Variants in RBL2 observed in about 807,000 individuals in gnomAD.
RBL2 encodes the protein RB transcriptional corepressor like 2.
In RBL2, 56 loss-of-function variants were observed where a neutral mutation model predicts 126.0. The observed-to-expected ratio is 0.44, with a 90% CI of 0.36 to 0.56. The LOEUF is 0.56. RBL2 is among the 20% of genes least tolerant of loss of function. The pLI is 0.00. For synonymous variants in RBL2, 454 were observed against 478.5 expected (o/e 0.95, Z 0.67); for missense variants, 1,229 against 1,398.2 (o/e 0.88, Z 1.93).
At chr16:53,435,688 T>C in intron 1 of RBL2, 1 of 1,289,136 alleles carries the variant, frequency 7.8e-7, no homozygotes. Context: ...AGTCGTTTTA[T>C]AATTAATTTG....
chr16:53,490,358 A>G lies in RBL2; in HGVS notation c.*58A>G. 1 of 1,412,284 alleles carries G rather than the reference A, an allele frequency of 7.1e-7. No homozygotes were observed. The highest frequency in any genetic ancestry group is 9.6e-7 in the Non-Finnish European group (1 of 1,046,602). 87.5% of individuals were successfully genotyped at this position (1,412,284 alleles called of 1,614,324 possible). ...TCTGTTTAGCAGCAGCCTTTAATGC[A>G]TCTAGATTATGGAGCTTTTTTCCTT... On this transcript the variant is annotated 3_prime_UTR_variant, in exon 22 of 22. Transcript: ENST00000262133.
intron 4 of RBL2, chr16:53,449,586 G>GAAAAAAAAAAA: frequency 1.7e-5 from 1 of 58,800 alleles, no homozygotes; most frequent in Non-Finnish European, 4.0e-5. Context: ...ACCGTGTCTC[G>GAAAAAAAAAAA]AAAAAAAAAA....
intron 7 of RBL2, 173 bp from the exon 8 acceptor site, chr16:53,454,483 G>A (rs576507541): frequency 1.5e-5 from 9 of 585,534 alleles, no homozygotes; most frequent in African/African-American, 5.7e-5. Flanking sequence ...GATTACAGAC[G>A]GGAGCTACTG....
intron 21 of RBL2, among the ~76,000 whole-genome samples, chr16:53,482,473 C>A (rs1169690515): frequency 6.6e-6 from 1 of 152,146 alleles, no homozygotes; most frequent in Non-Finnish European, 1.5e-5. Flanking sequence ...GCGAGTGGAA[C>A]TGGATTGTGA....
intron 2 of RBL2, among the ~76,000 whole-genome samples, chr16:53,439,575 T>G (rs1441499780): frequency 6.6e-6 from 1 of 152,172 alleles, no homozygotes; most frequent in African/African-American, 2.4e-5. Context: ...GTTTCCTGTT[T>G]GGAGGATAAA....
rs752122118 is a variant in RBL2 at position 53,439,175 on chromosome 16, G to A, written c.371+29G>A. ...ACTATGTTAGAGTTTGACAAGTAGA[G>A]TATGGCTAATGTAAGCTCATAAATC... On this transcript the variant is annotated intron_variant, in intron 2 of 21. Coordinates refer to ENST00000262133, the MANE Select transcript of RBL2 (RefSeq NM_005611.4). 5.2e-6 allele frequency: 8 copies of A among 1,543,242 alleles called. 1 individual carries two copies. The South Asian group carries it at 8.8e-5, about 17-fold the overall frequency.
intron 4 of RBL2, among the ~76,000 whole-genome samples, 194 bp downstream of exon 4, chr16:53,447,300 C>CTCTTA (rs1567728475): frequency 1.3e-5 from 2 of 151,756 alleles, no homozygotes; most frequent in Non-Finnish European, 2.9e-5. Flanking sequence ...ATATCCAAAT[C>CTCTTA]TTCTCTTATT....
chr16:53,479,752 T>C, intron 18 of RBL2, 134 bp from the exon 19 acceptor site: 1 of 610,588 alleles, frequency 1.6e-6, no homozygotes, highest in Non-Finnish European at 2.9e-6. Context: ...GAGTTATGTT[T>C]CTCAACCTGT....
At chr16:53,480,161 T>G in intron 19 of RBL2, 170 bp downstream of exon 19, 1 of 571,300 alleles carries the variant, frequency 1.8e-6, no homozygotes, top group East Asian at 3.0e-5. Context: ...TTACATAGCT[T>G]TGGGGCACAT....
At chr16:53,457,039 C>CA (rs1328929909) in intron 8 of RBL2, among the ~76,000 whole-genome samples, 1 of 151,978 alleles carries the variant, frequency 6.6e-6, no homozygotes, top group African/African-American at 2.4e-5. Flanking sequence ...ATTCGGGGAA[C>CA]ATTTACTACT....
intron 4 of RBL2, 50 bp from the exon 5 acceptor site, chr16:53,451,653 G>C (rs778164259): frequency 6.4e-7 from 1 of 1,573,330 alleles, no homozygotes; most frequent in Non-Finnish European, 8.7e-7. Context: ...TTTTAAAAAT[G>C]TTACAAAGTC....
intron 3 of RBL2, 72 bp downstream of exon 3, chr16:53,442,930 T>G (rs912667684): frequency 1.6e-5 from 19 of 1,166,160 alleles, no homozygotes; most frequent in Middle Eastern, 2.1e-4. Context: ...TGCTAGGTTT[T>G]TTTTTTCTGG....
Position 53,490,454 on chromosome 16 carries a change from C to CT in RBL2, c.*156dup. The CT allele has an allele frequency of 1.9e-6, 1 of 521,850 alleles. No homozygotes were observed. The highest frequency in any genetic ancestry group is 3.2e-6 in the Non-Finnish European group (1 of 313,692). The allele number at this position is 521,850 out of a possible 1,614,324, so 32.3% of individuals were successfully genotyped here. ...TTTGGTGAGAAATGGGACTTAACTC[C>CT]TTCCAGTGTCCTTAGAACATTTTAA... On this transcript the variant is annotated 3_prime_UTR_variant, in exon 22 of 22. Transcript: ENST00000262133.
Position 53,467,153 on chromosome 16 carries a change from T to C in RBL2, c.1959T>C (p.Thr653=). The change falls in exon 14 of 22, where the codon ACT becomes ACC. Residue 653 remains threonine, a synonymous_variant. Transcript: ENST00000262133. ...GGGTGACTGAAGTTCGTGCTGATAC[T>C]GGAGGACTTGGAAGGAGTAAGTTTA... ...PRRVTEVRAD[T]GGLGRSITSP... is the part of the protein sequence containing the mutation. 1 of 1,612,296 alleles carries C rather than the reference T, an allele frequency of 6.2e-7. No homozygotes were observed. Among genetic ancestry groups the C allele is most frequent in the South Asian group, 1.1e-5 (1 of 90,948 alleles).
chr16:53,491,353 C>G lies in RBL2; in HGVS notation c.*1053C>G, dbSNP rs1348506300. On this transcript the variant is annotated 3_prime_UTR_variant, in exon 22 of 22. Transcript: ENST00000262133. ...TATTAGTACCATAGTACCATTTATA[C>G]AAATTAGAAAATGTTATTTAACAGC... is the stretch of plus-strand genomic sequence containing the variant. The G allele has an allele frequency of 2.0e-5, 3 of 152,150 alleles. No individual in the cohort carries two copies. In the East Asian group the frequency reaches 5.8e-4, roughly 29 times the overall value. 9.4% of individuals were successfully genotyped at this position (152,150 alleles called of 1,614,324 possible). A position where few individuals can be genotyped will look rare whatever the true frequency, so the allele number is the denominator to read the frequency against.
intron 13 of RBL2, 168 bp downstream of exon 13, chr16:53,465,770 G>C: frequency 2.1e-6 from 1 of 482,612 alleles, no homozygotes; most frequent in Non-Finnish European, 3.4e-6. Context: ...AAATTGGGAA[G>C]GTGCCAAGAG....
intron 21 of RBL2, among the ~76,000 whole-genome samples, chr16:53,483,926 T>TAAAA (rs77395902): frequency 1.3e-4 from 17 of 131,000 alleles, no homozygotes; most frequent in African/African-American, 5.0e-4. Flanking sequence ...CCTATCATAG[T>TAAAA]AAAAAAAAAA....
At chr16:53,451,124 T>C (rs1018561611) in intron 4 of RBL2, among the ~76,000 whole-genome samples, 2 of 152,226 alleles carry the variant, frequency 1.3e-5, no homozygotes, top group African/African-American at 4.8e-5. Flanking sequence ...TAAAGTTTTA[T>C]TCAGCTACTA....
intron 8 of RBL2, among the ~76,000 whole-genome samples, chr16:53,457,258 C>CTTTGTTTTTTTTTTTTTTTTTT (rs2058177472): frequency 1.1e-5 from 1 of 89,954 alleles, no homozygotes; most frequent in Non-Finnish European, 2.0e-5. Context: ...GTACAGATAG[C>CTTTGTTTTTTTTTTTTTTTTTT]TTTTTTTTTT....
Sources: allele counts gnomAD v4.1 joint callset (sites outside exome capture counted in the v4.1 genomes callset), GRCh38; gene constraint gnomAD v4.1.1; transcripts MANE v1.5; gene names NCBI Gene and HGNC (gene_info 2026-07-23, HGNC 2026-07-21).